CHCHD6: variants seen among roughly 807,000 people sequenced by gnomAD.
CHCHD6 encodes MICOS complex subunit MIC25.
A neutral mutation model predicts 32.3 loss-of-function variants in CHCHD6; 28 were observed. That is an observed-to-expected ratio of 0.87 (90% confidence interval 0.64 to 1.19). The LOEUF (loss-of-function observed/expected upper bound fraction) is 1.19, where lower values mean the gene tolerates loss of function less well. Among genes scored for constraint, CHCHD6 ranks in the 50% most tolerant of loss-of-function variants. CHCHD6 has a pLI of 0.00. For synonymous variants in CHCHD6, 122 were observed against 117.5 expected, an observed-to-expected ratio of 1.04 and a Z score of -0.25; for missense variants, 333 against 307.0, an observed-to-expected ratio of 1.08 and a Z score of -0.63.
intron 1 of CHCHD6, among the ~76,000 whole-genome samples, chr3:126,718,697 C>T (rs945873698): frequency 6.6e-6 from 1 of 152,186 alleles, no homozygotes; most frequent in African/African-American, 2.4e-5. Flanking sequence ...TATATTAGCC[C>T]TCTGTCCATT....
chr3:126,841,249 A>G (rs1576480339), intron 4 of CHCHD6, among the ~76,000 whole-genome samples: 1 of 152,274 alleles, frequency 6.6e-6, no homozygotes, highest in East Asian at 1.9e-4. Context: ...GCTGCATAGT[A>G]TTCCATGGTG....
chr3:126,845,272 G>A (rs1386381544), intron 4 of CHCHD6, among the ~76,000 whole-genome samples: 1 of 152,136 alleles, frequency 6.6e-6, no homozygotes, highest in Non-Finnish European at 1.5e-5. Context: ...TTTTGGTGGG[G>A]GAGAGTGGGG....
chr3:126,882,683 A>T (rs1461076800), intron 5 of CHCHD6, among the ~76,000 whole-genome samples: 1 of 152,202 alleles, frequency 6.6e-6, no homozygotes, highest in Non-Finnish European at 1.5e-5. Flanking sequence ...TACAAGAGCA[A>T]CTTGAACCTT....
intron 1 of CHCHD6, among the ~76,000 whole-genome samples, chr3:126,721,316 C>T (rs1476357060): frequency 1.3e-5 from 2 of 152,316 alleles, no homozygotes; most frequent in South Asian, 2.1e-4. Flanking sequence ...TGGCGGCAGG[C>T]GCACGGTCTC....
intron 4 of CHCHD6, among the ~76,000 whole-genome samples, chr3:126,737,280 T>A (rs994416552): frequency 6.6e-6 from 1 of 151,742 alleles, no homozygotes; most frequent in Non-Finnish European, 1.5e-5. Flanking sequence ...AATCGCGCCA[T>A]TGCACTCCAG....
At chr3:126,901,341 A>G (rs6808890) in intron 5 of CHCHD6, among the ~76,000 whole-genome samples, 3,853 of 152,236 alleles carry the variant, frequency 0.025, 61 homozygotes, top group Middle Eastern at 0.061. Context: ...CAGTCGTCCT[A>G]AGTTTCACTC....
intron 1 of CHCHD6, among the ~76,000 whole-genome samples, chr3:126,718,034 C>T (rs574619853): frequency 5.3e-5 from 8 of 152,250 alleles, no homozygotes; most frequent in African/African-American, 1.9e-4. Context: ...TTGGTGTCCC[C>T]CTGTTACTCC....
chr3:126,916,400 TAAAA>T (rs11338384), intron 6 of CHCHD6, among the ~76,000 whole-genome samples: 2 of 139,724 alleles, frequency 1.4e-5, no homozygotes, highest in African/African-American at 2.7e-5. Context: ...GAATCCATCT[TAAAA>T]AAAAAAAAAA....
chr3:126,771,194 T>C (rs2107676876), intron 4 of CHCHD6, among the ~76,000 whole-genome samples: 1 of 151,572 alleles, frequency 6.6e-6, no homozygotes, highest in East Asian at 1.9e-4. Flanking sequence ...TATTTCTTTT[T>C]TTCTTTTTCC....
chr3:126,716,718 G>A (rs1033883881), intron 1 of CHCHD6, among the ~76,000 whole-genome samples: 1 of 151,788 alleles, frequency 6.6e-6, no homozygotes, highest in African/African-American at 2.4e-5. Context: ...TTGGAGTGAA[G>A]ACAAAAAAGT....
intron 5 of CHCHD6, among the ~76,000 whole-genome samples, chr3:126,862,496 C>T (rs1361271743): frequency 1.5e-5 from 2 of 134,604 alleles, no homozygotes; most frequent in African/African-American, 5.5e-5. Flanking sequence ...TCCACCATCA[C>T]CACCTCCCCC....
At chr3:126,948,424 T>G (rs1156657662) in intron 6 of CHCHD6, among the ~76,000 whole-genome samples, 2 of 152,182 alleles carry the variant, frequency 1.3e-5, no homozygotes, top group Admixed American at 6.5e-5. Context: ...TCGGTCCCCA[T>G]AGTGCCTCCT....
chr3:126,903,897 C>G (rs1248227754), intron 5 of CHCHD6, among the ~76,000 whole-genome samples: 10 of 152,224 alleles, frequency 6.6e-5, no homozygotes, highest in African/African-American at 2.4e-4. Flanking sequence ...AACACCCTCT[C>G]CCTGGCCTCA....
chr3:126,848,621 C>T (rs189701916), intron 4 of CHCHD6, among the ~76,000 whole-genome samples: 2 of 152,170 alleles, frequency 1.3e-5, no homozygotes, highest in East Asian at 3.9e-4. Context: ...CATATTGAAG[C>T]TATGTAGATG....
chr3:126,914,678 A>G lies in CHCHD6; in HGVS notation c.496-2A>G. The G allele has an allele frequency of 1.9e-6, 3 of 1,566,362 alleles. No homozygotes were observed. Among genetic ancestry groups the G allele is most frequent in the Non-Finnish European group, 2.6e-6 (3 of 1,136,550 alleles). ...TAACCAATTCTGTTTTTCTCCTTGT[A>G]GAATGCTGAGATGTATAAACTGTCT... On this transcript the variant is annotated splice_acceptor_variant, in intron 5 of 7. Transcript: ENST00000290913. LOFTEE classifies it high-confidence loss of function.
chr3:126,927,371 G>C (rs1467589062), intron 6 of CHCHD6, among the ~76,000 whole-genome samples: 1 of 152,230 alleles, frequency 6.6e-6, no homozygotes, highest in African/African-American at 2.4e-5. Flanking sequence ...AGCTGTCTGG[G>C]GGGTGGTGGG....
At chr3:126,796,371 A>G (rs546393056) in intron 4 of CHCHD6, among the ~76,000 whole-genome samples, 1 of 152,160 alleles carries the variant, frequency 6.6e-6, no homozygotes, top group Non-Finnish European at 1.5e-5. Context: ...CACTAATTCA[A>G]ATCAGTGAAA....
chr3:126,845,900 A>G (rs567069829), intron 4 of CHCHD6, among the ~76,000 whole-genome samples: 5 of 152,288 alleles, frequency 3.3e-5, no homozygotes, highest in Non-Finnish European at 5.9e-5. Context: ...GTCAGAATCT[A>G]TTTTTTCAGA....
chr3:126,833,120 CACATGCACACACACATGT>C (rs1223061129), intron 4 of CHCHD6, among the ~76,000 whole-genome samples: 1 of 152,218 alleles, frequency 6.6e-6, no homozygotes, highest in African/African-American at 2.4e-5. Flanking sequence ...CACTTGCATG[CACATGCACACACACATGT>C]ACATGCACAT....
Sources: allele counts gnomAD v4.1 joint callset (sites outside exome capture counted in the v4.1 genomes callset), GRCh38; gene constraint gnomAD v4.1.1; transcripts MANE v1.5; gene names NCBI Gene and HGNC (gene_info 2026-07-23, HGNC 2026-07-21).